Variants in DLG1 observed in about 807,000 individuals in gnomAD.
DLG1 encodes disks large homolog 1.
DLG1 carries 42 observed loss-of-function variants against 123.4 expected under a neutral mutation model. That is an observed-to-expected ratio of 0.34 (90% CI 0.27 to 0.44). The LOEUF is 0.44. DLG1 is among the 20% of genes least tolerant of loss of function. The probability of loss-of-function intolerance (pLI) is 1.00; values close to 1 mark genes in which losing one functional copy is unlikely to be tolerated. For synonymous variants in DLG1, 317 were observed against 356.2 expected (o/e 0.89, Z 1.24); for missense variants, 942 against 1,082.6 (o/e 0.87, Z 1.82).
chr3:197,188,914 T>G (rs1717654714), intron 5 of DLG1, among the ~76,000 whole-genome samples: 1 of 152,192 alleles, frequency 6.6e-6, no homozygotes, highest in Non-Finnish European at 1.5e-5. Flanking sequence ...AAAGGAACCC[T>G]ACCTACTCTG....
At chr3:197,153,714 C>G (rs971800714) in intron 5 of DLG1, among the ~76,000 whole-genome samples, 15 of 152,144 alleles carry the variant, frequency 9.9e-5, no homozygotes. Flanking sequence ...ACATTGAAGA[C>G]TAGGACATTA....
intron 4 of DLG1, among the ~76,000 whole-genome samples, chr3:197,214,326 TG>T (rs1732862717): frequency 6.6e-6 from 1 of 152,038 alleles, no homozygotes; most frequent in Non-Finnish European, 1.5e-5. Flanking sequence ...CCAGGCGCGG[TG>T]GCTTTGGGAG....
intron 18 of DLG1, among the ~76,000 whole-genome samples, chr3:197,073,956 T>C (rs1312314009): frequency 3.9e-5 from 6 of 152,160 alleles, no homozygotes; most frequent in East Asian, 1.9e-4. Context: ...TTTTCTTATA[T>C]TAAAGTCTCT....
intron 6 of DLG1, among the ~76,000 whole-genome samples, chr3:197,143,956 A>C (rs1251979525): frequency 6.6e-6 from 1 of 152,218 alleles, no homozygotes; most frequent in African/African-American, 2.4e-5. Context: ...AAGTCCCTGG[A>C]ATCAGATGAA....
intron 22 of DLG1, 105 bp from the exon 23 acceptor site, chr3:197,060,103 G>A (rs773952904): frequency 2.9e-5 from 20 of 697,702 alleles, no homozygotes; most frequent in Non-Finnish European, 4.2e-5. Flanking sequence ...GATCTGTTTC[G>A]ATCCTTGTTC....
At chr3:197,227,771 G>A (rs1220606108) in intron 4 of DLG1, among the ~76,000 whole-genome samples, 1 of 152,148 alleles carries the variant, frequency 6.6e-6, no homozygotes, top group Non-Finnish European at 1.5e-5. Flanking sequence ...TATAAGGGGT[G>A]AGAGAGAGAA....
chr3:197,088,427 T>G (rs1012222994), intron 15 of DLG1, among the ~76,000 whole-genome samples: 3 of 152,156 alleles, frequency 2.0e-5, no homozygotes, highest in Non-Finnish European at 4.4e-5. Context: ...AATTCTCTAC[T>G]GGGGAGAAGG....
At chr3:197,251,151 G>A (rs338199) in intron 4 of DLG1, among the ~76,000 whole-genome samples, 44,155 of 151,682 alleles carry the variant, frequency 0.29, 6,902 homozygotes, top group Middle Eastern at 0.38. Flanking sequence ...TTGGGAGGCC[G>A]AGGTGGGTGG....
At chr3:197,122,131 A>G (rs1316215436) in intron 11 of DLG1, among the ~76,000 whole-genome samples, 1 of 152,074 alleles carries the variant, frequency 6.6e-6, no homozygotes, top group East Asian at 1.9e-4. Flanking sequence ...GATATATAAT[A>G]TATATTATAA....
intron 14 of DLG1, among the ~76,000 whole-genome samples, chr3:197,092,504 CTTTT>C (rs1046801000): frequency 2.0e-5 from 3 of 151,950 alleles, no homozygotes; most frequent in Non-Finnish European, 4.4e-5. Flanking sequence ...TTATTGTTTT[CTTTT>C]TTTATTTTTA....
At chr3:197,196,806 T>C (rs1444482083) in intron 4 of DLG1, among the ~76,000 whole-genome samples, 5 of 152,228 alleles carry the variant, frequency 3.3e-5, no homozygotes, top group African/African-American at 4.8e-5. Flanking sequence ...CAGATATTTA[T>C]ATACACATGA....
chr3:197,267,906 A>C (rs1348141927), intron 4 of DLG1, among the ~76,000 whole-genome samples: 2 of 152,168 alleles, frequency 1.3e-5, no homozygotes, highest in Non-Finnish European at 2.9e-5. Flanking sequence ...TAAAGAGGGG[A>C]ACAGAGGCCC....
chr3:197,289,858 C>A (rs1773962195), intron 3 of DLG1, among the ~76,000 whole-genome samples: 1 of 152,096 alleles, frequency 6.6e-6, no homozygotes, highest in African/African-American at 2.4e-5. Flanking sequence ...AGCTAGTAGG[C>A]AAAAATAAAT....
intron 18 of DLG1, among the ~76,000 whole-genome samples, chr3:197,072,996 C>G (rs1307164132): frequency 6.6e-6 from 1 of 152,174 alleles, no homozygotes; most frequent in East Asian, 1.9e-4. Flanking sequence ...CGCGCCCAGC[C>G]TGTTTATGAT....
At chr3:197,175,041 C>T (rs770028467) in intron 5 of DLG1, among the ~76,000 whole-genome samples, 6 of 152,124 alleles carry the variant, frequency 3.9e-5, no homozygotes, top group Non-Finnish European at 5.9e-5. Context: ...GCTCCTGTTA[C>T]GAAGTGAGGA....
chr3:197,088,217 A>C (rs1456477373), intron 15 of DLG1, among the ~76,000 whole-genome samples: 4 of 152,226 alleles, frequency 2.6e-5, no homozygotes, highest in Non-Finnish European at 5.9e-5. Flanking sequence ...GGATATTTAA[A>C]GAATGCCTTA....
At chr3:197,202,077 G>A (rs562055502) in intron 4 of DLG1, among the ~76,000 whole-genome samples, 113 of 152,244 alleles carry the variant, frequency 7.4e-4, no homozygotes, top group African/African-American at 2.6e-3. Context: ...TGCCCTGGAA[G>A]CCCTCATTTC....
chr3:197,278,350 G>C lies in DLG1; in HGVS notation c.318+4329C>G, dbSNP rs7621759. On this transcript the variant is annotated intron_variant, in intron 4 of 24. Coordinates refer to ENST00000667157, the MANE Select transcript of DLG1 (RefSeq NM_001366207.1). ...CTGGGTGTGGTGGTGCACACATGTA[G>C]GCCCAGCTACTCAGTAGGCTGAGGC... Among the ~76,000 whole-genome samples, 568 of 142,822 alleles carry C rather than the reference G, an allele frequency of 4.0e-3. 6 individuals are homozygous for C. The highest frequency in any genetic ancestry group is 0.014 in the African/African-American group (518 of 38,284). 93.7% of individuals were successfully genotyped at this position (142,822 alleles called of 152,430 possible). A position where few individuals can be genotyped will look rare whatever the true frequency, so the allele number is the denominator to read the frequency against.
At chr3:197,131,976 G>C (rs904973153) in intron 10 of DLG1, among the ~76,000 whole-genome samples, 1 of 152,092 alleles carries the variant, frequency 6.6e-6, no homozygotes, top group African/African-American at 2.4e-5. Context: ...ACACTGATTA[G>C]AAGTGGTAGT....
Sources: allele counts gnomAD v4.1 joint callset (sites outside exome capture counted in the v4.1 genomes callset), GRCh38; gene constraint gnomAD v4.1.1; transcripts MANE v1.5; gene names NCBI Gene and HGNC (gene_info 2026-07-23, HGNC 2026-07-21).